The following UNC45A variants were observed in gnomAD, a reference collection of about 807,000 sequenced individuals.
UNC45A encodes unc-45 myosin chaperone A, also known as protein unc-45 homolog A.
UNC45A carries 78 observed loss-of-function variants against 103.2 expected under a neutral mutation model. The observed-to-expected ratio is 0.76, with a 90% CI of 0.63 to 0.91. The LOEUF (loss-of-function observed/expected upper bound fraction) is 0.91. Ranked by LOEUF, UNC45A falls within the 40% of genes least tolerant of loss-of-function variation. The probability of loss-of-function intolerance (pLI) is 0.00; values close to 1 mark genes in which losing one functional copy is unlikely to be tolerated. For missense variants in UNC45A, 1,193 were observed against 1,224.8 expected (o/e 0.97, Z 0.39); for synonymous variants, 495 against 504.6 (o/e 0.98, Z 0.25).
chr15:90,946,661 A>G lies in UNC45A; in HGVS notation c.1247A>G (p.Gln416Arg). 1 of 1,612,042 alleles carries G rather than the reference A, an allele frequency of 6.2e-7. No homozygotes were observed. Among genetic ancestry groups the G allele is most frequent in the Non-Finnish European group, 8.5e-7 (1 of 1,179,872 alleles). The change falls in exon 10 of 20, where the codon CAG (glutamine) becomes CGG (arginine). Residue 416 changes from glutamine (Q) to arginine (R), a missense_variant. Coordinates refer to ENST00000418476, the MANE Select transcript of UNC45A (RefSeq NM_018671.5). ...CTGGCCGGGAAGCTACGGGCCATCC[A>G]GACGGTGTCCTGCCTCCTGCAGGGC... ...QGLAGKLRAI[Q>R]TVSCLLQGPC...
chr15:90,950,474 C>G (rs2036840574), intron 16 of UNC45A, 26 bp from the exon 17 acceptor site: 1 of 1,610,536 alleles, frequency 6.2e-7, no homozygotes, highest in Non-Finnish European at 8.5e-7. Context: ...GGCAAGTACC[C>G]CTGACAGGTG....
chr15:90,949,108 C>T (rs1241880827), intron 13 of UNC45A, among the ~76,000 whole-genome samples: 1 of 151,982 alleles, frequency 6.6e-6, no homozygotes, highest in Non-Finnish European at 1.5e-5. Context: ...GATCTCCTGA[C>T]CTCGTGATCC....
chr15:90,950,520 C>G lies in UNC45A; in HGVS notation c.2208C>G (p.Pro736=). The change falls in exon 17 of 20, where the codon CCC becomes CCG. Residue 736 remains proline (P), a synonymous_variant. Coordinates refer to ENST00000418476, the MANE Select transcript of UNC45A (RefSeq NM_018671.5). ...TGCAGATCTATGAGGTGGTCCGGCC[C>G]CTCGTCTCCCTGTTGCACCTCAACT... is the stretch of plus-strand genomic sequence containing the variant. ...PGERIYEVVR[P]LVSLLHLNCS... 6.2e-7 allele frequency: 1 copy of G among 1,614,094 alleles called. No homozygotes were observed. The highest frequency in any genetic ancestry group is 8.5e-7 in the Non-Finnish European group (1 of 1,180,012).
chr15:90,953,727 C>T lies in UNC45A; in HGVS notation c.*11C>T. Reference sequence around the variant, plus strand: ...CAAGATGGAGAGTGAGGGGGTTGTCCCTGGGCCCAAGGCTCATGCACACGC... The same window carrying T: ...CAAGATGGAGAGTGAGGGGGTTGTCTCTGGGCCCAAGGCTCATGCACACGC... On this transcript the variant is annotated 3_prime_UTR_variant, in exon 20 of 20. Transcript: ENST00000418476. 6.2e-7 allele frequency: 1 copy of T among 1,612,248 alleles called. No individual in the cohort carries two copies. The highest frequency in any genetic ancestry group is 8.5e-7 in the Non-Finnish European group (1 of 1,179,040).
intron 6 of UNC45A, among the ~76,000 whole-genome samples, chr15:90,941,397 G>A (rs1191307118): frequency 6.6e-6 from 1 of 152,164 alleles, no homozygotes; most frequent in Non-Finnish European, 1.5e-5. Context: ...CAAAGACTAG[G>A]CCCTTGGTTG....
chr15:90,951,971 A>G (rs1361669380), intron 17 of UNC45A, among the ~76,000 whole-genome samples: 2 of 152,190 alleles, frequency 1.3e-5, no homozygotes, highest in Non-Finnish European at 2.9e-5. Flanking sequence ...TAGCCTCACC[A>G]TCACGACCAC....
chr15:90,938,767 AT>A (rs1221271982), intron 4 of UNC45A, among the ~76,000 whole-genome samples: 5 of 152,014 alleles, frequency 3.3e-5, no homozygotes, highest in Non-Finnish European at 7.4e-5. Flanking sequence ...CACCTCCCAG[AT>A]TCAAGCGATT....
chr15:90,952,867 T>A, intron 17 of UNC45A, 62 bp from the exon 18 acceptor site: 1 of 1,486,774 alleles, frequency 6.7e-7, no homozygotes, highest in Non-Finnish European at 9.2e-7. Context: ...TAGTTCAACA[T>A]GAGGGTTAGA....
chr15:90,934,303 C>A (rs1048514226), upstream of UNC45A: 2 of 399,016 alleles, frequency 5.0e-6, no homozygotes, highest in Middle Eastern at 1.2e-3. Flanking sequence ...AAAGGCCCCT[C>A]CTGCTTGTCT....
upstream of UNC45A, chr15:90,934,052 G>GAGA (rs1166436836): frequency 7.5e-6 from 3 of 398,958 alleles, no homozygotes; most frequent in Non-Finnish European, 1.3e-5. Context: ...TGGGCATCCA[G>GAGA]AGAAGGTCAG....
At chr15:90,947,018 GAATACTGTAATGCCAAAA>G in intron 10 of UNC45A, 104 bp downstream of exon 10, 1 of 1,405,450 alleles carries the variant, frequency 7.1e-7, no homozygotes, top group South Asian at 1.4e-5. Context: ...TGAAAATAAG[GAATACTGTAATGCCAAAA>G]AAATTAGCTA....
At position 90,947,897 on chromosome 15, in the gene UNC45A, C is replaced by A. The variant is rs1330940136; in HGVS notation, c.1595+7C>A. 5.6e-6 allele frequency: 9 copies of A among 1,611,874 alleles called. No individual in the cohort carries two copies. The highest frequency in any genetic ancestry group is 1.1e-5 in the South Asian group (1 of 90,976). On this transcript the variant is annotated splice_region_variant and intron_variant, in intron 11 of 19. Coordinates refer to ENST00000418476, the MANE Select transcript of UNC45A (RefSeq NM_018671.5). The stretch of plus-strand genomic sequence containing the variant: ...TGGCTAAGCAGTGTCGAAAGTGAGT[C>A]ATCTGGCCTTGCTGTGGTTCCCCAC...
chr15:90,944,536 T>C (rs2036464825), intron 8 of UNC45A, among the ~76,000 whole-genome samples: 1 of 152,156 alleles, frequency 6.6e-6, no homozygotes, highest in Non-Finnish European at 1.5e-5. Context: ...GGTGTGTCTA[T>C]TGTGTTCACA....
intron 17 of UNC45A, among the ~76,000 whole-genome samples, chr15:90,951,296 C>G (rs1320953643): frequency 6.6e-6 from 1 of 152,232 alleles, no homozygotes; most frequent in African/African-American, 2.4e-5. Context: ...TGAGCCACTG[C>G]AGCTGGCCAG....
chr15:90,950,193 C>G lies in UNC45A; in HGVS notation c.2113C>G (p.Gln705Glu). The change falls in exon 16 of 20, where the codon CAG (glutamine) becomes GAG (glutamate). Residue 705 changes from glutamine (Q) to glutamate (E), a missense_variant. Coordinates refer to ENST00000418476, the MANE Select transcript of UNC45A (RefSeq NM_018671.5). The stretch of plus-strand genomic sequence containing the variant: ...GGCCCTGGAAGGCACGGACGTGGGG[C>G]AGACAAAGGCAGCCCAGGCCCTTGC... ...PLALEGTDVG[Q>E]TKAAQALAKL... is the part of the protein sequence containing the mutation. The G allele has an allele frequency of 6.4e-7, 1 of 1,551,754 alleles. No homozygotes were observed. Among genetic ancestry groups the G allele is most frequent in the South Asian group, 1.2e-5 (1 of 84,066 alleles).
chr15:90,947,003 C>G (rs754776701), intron 10 of UNC45A, 89 bp downstream of exon 10: 2 of 1,464,466 alleles, frequency 1.4e-6, no homozygotes, highest in African/African-American at 1.4e-5. Context: ...CCAGCACACT[C>G]CAGATGAAAA....
chr15:90,949,869 C>A, intron 15 of UNC45A, 149 bp downstream of exon 15: 1 of 872,794 alleles, frequency 1.1e-6, no homozygotes, highest in Non-Finnish European at 1.8e-6. Flanking sequence ...GAGAGTGACG[C>A]GGAAGCAGGC....
In UNC45A at chr15:90,943,443, A is replaced by G. The variant is rs575397327; in HGVS notation, c.1027+361A>G. Among the ~76,000 whole-genome samples, 24 of 151,684 alleles carry G rather than the reference A, an allele frequency of 1.6e-4. No homozygotes were observed. The East Asian group carries it at 1.7e-3, about 11-fold the overall frequency. On this transcript the variant is annotated intron_variant, in intron 8 of 19. Coordinates refer to ENST00000418476, the MANE Select transcript of UNC45A (RefSeq NM_018671.5). ...GACTGTCTCAAAAAAAAAAAAAAAA[A>G]AAAGAAAGAAAAGTTGTGATTATCT...
chr15:90,938,817 A>C (rs1363737429), intron 4 of UNC45A, among the ~76,000 whole-genome samples: 4 of 151,788 alleles, frequency 2.6e-5, no homozygotes, highest in Non-Finnish European at 4.4e-5. Flanking sequence ...GATTACAGGC[A>C]CCCGCCACCA....
Sources: allele counts gnomAD v4.1 joint callset (sites outside exome capture counted in the v4.1 genomes callset), GRCh38; gene constraint gnomAD v4.1.1; transcripts MANE v1.5; gene names NCBI Gene and HGNC (gene_info 2026-07-23, HGNC 2026-07-21).